MXI1: variants seen among roughly 807,000 people sequenced by gnomAD.
The protein encoded by MXI1 is MAX interactor 1, dimerization protein, also known as max-interacting protein 1.
Under a neutral mutation model 36.9 loss-of-function variants are expected in MXI1, and 18 were observed. The observed-to-expected ratio is 0.49, with a 90% CI of 0.34 to 0.72. The LOEUF (loss-of-function observed/expected upper bound fraction) is 0.72, where lower values mean the gene tolerates loss of function less well. MXI1 is among the 30% of genes least tolerant of loss of function. The pLI, the probability that MXI1 is intolerant of heterozygous loss-of-function variation, is 0.01. For missense variants in MXI1, 304 were observed against 379.1 expected (o/e 0.80, Z 1.64); for synonymous variants, 160 against 146.7 (o/e 1.09, Z -0.65).
chr10:110,233,199 C>T (rs570552647), intron 2 of MXI1, among the ~76,000 whole-genome samples: 2 of 152,208 alleles, frequency 1.3e-5, no homozygotes, highest in East Asian at 3.9e-4. Flanking sequence ...CACTAAAAAA[C>T]AACTTTTCTG....
intron 1 of MXI1, among the ~76,000 whole-genome samples, chr10:110,214,254 A>G (rs1854574637): frequency 6.6e-6 from 1 of 152,218 alleles, no homozygotes. Flanking sequence ...CACCTTGTTT[A>G]TTGTCCAAGG....
intron 1 of MXI1, chr10:110,226,049 G>A: frequency 1.0e-6 from 1 of 964,454 alleles, no homozygotes; most frequent in Non-Finnish European, 1.2e-6. Flanking sequence ...TGGCGCGGCT[G>A]GGGCGGCAGG....
At position 110,279,267 on chromosome 10, in the gene MXI1, G is replaced by T; in HGVS notation, c.525G>T (p.Leu175Phe). Residue 175 changes from leucine (L) to phenylalanine (F), a missense_variant, in exon 4 of 6, where the codon TTG (leucine) becomes TTT (phenylalanine). Leu to Phe is a conservative substitution (Grantham distance 22). Around this residue, in one of 2 missense-constraint regions of MXI1, gnomAD observed 125 missense variants for 194.3 expected, o/e 0.64. Transcript: ENST00000332674. ...GCACCCGGCACACAACACTTGGTTTGCTCAACAAAGCCAAAGCACACATCA... is the reference window on the plus strand; with the variant it reads ...GCACCCGGCACACAACACTTGGTTTTCTCAACAAAGCCAAAGCACACATCA... ...PDCTRHTTLG[L>F]LNKAKAHIKK... The T allele has an allele frequency of 6.2e-7, 1 of 1,614,092 alleles. No individual in the cohort carries two copies. The highest frequency in any genetic ancestry group is 8.5e-7 in the Non-Finnish European group (1 of 1,179,976).
chr10:110,243,707 C>T (rs902354795), intron 2 of MXI1, among the ~76,000 whole-genome samples: 9 of 152,210 alleles, frequency 5.9e-5, no homozygotes, highest in Non-Finnish European at 1.0e-4. Flanking sequence ...TATAACAATT[C>T]TAATAGTAGC....
chr10:110,254,250 A>C (rs150152909), intron 3 of MXI1, among the ~76,000 whole-genome samples: 5 of 152,238 alleles, frequency 3.3e-5, no homozygotes, highest in Non-Finnish European at 7.4e-5. Flanking sequence ...TTCATACGTT[A>C]CGATGATCTG....
chr10:110,214,011 C>T (rs1207813458), intron 1 of MXI1, among the ~76,000 whole-genome samples: 1 of 152,220 alleles, frequency 6.6e-6, no homozygotes, highest in Non-Finnish European at 1.5e-5. Context: ...AATTTTATTA[C>T]CCTCTTTTAC....
intron 3 of MXI1, among the ~76,000 whole-genome samples, chr10:110,264,548 T>C (rs11195052): frequency 0.024 from 3,616 of 152,018 alleles, 67 homozygotes; most frequent in East Asian, 0.047. Context: ...ATATTTTTCA[T>C]AGAGACGGGG....
In MXI1 at chr10:110,284,687, C is replaced by G. The variant is rs143661993; in HGVS notation, c.725-137C>G. 3.4e-5 allele frequency: 28 copies of G among 817,354 alleles called. No homozygotes were observed. In the African/African-American group the frequency reaches 4.5e-4, roughly 13 times the overall value. The allele number at this position is 817,354 out of a possible 1,614,324, so 50.6% of individuals were successfully genotyped here. On this transcript the variant is annotated intron_variant, in intron 5 of 5. Transcript: ENST00000332674. ...AATATTCCTGTCTCTTCACCTTGTTCCTCTGTTCTCCAGACATCACTGATA... is the reference window on the plus strand; with the variant it reads ...AATATTCCTGTCTCTTCACCTTGTTGCTCTGTTCTCCAGACATCACTGATA...
intron 4 of MXI1, 121 bp downstream of exon 4, chr10:110,279,415 A>C: frequency 1.3e-6 from 1 of 791,268 alleles, no homozygotes; most frequent in Non-Finnish European, 2.0e-6. Context: ...TGACCTCAAG[A>C]GAAGTCTTTC....
Position 110,209,549 on chromosome 10 carries a change from T to C in MXI1, c.274+1467T>C, listed in dbSNP as rs150129486. Among the ~76,000 whole-genome samples the C allele has an allele frequency of 5.3e-5, 8 of 152,262 alleles. 1 individual carries two copies. The South Asian group carries it at 1.0e-3, about 20-fold the overall frequency. On this transcript the variant is annotated intron_variant, in intron 1 of 5. Transcript: ENST00000332674. ...AGGATTTGTGTTGTGAGGTCGGTGGTGCGTTCTTTTCTTTCTCTTCTCGCC... is the reference window on the plus strand; with the variant it reads ...AGGATTTGTGTTGTGAGGTCGGTGGCGCGTTCTTTTCTTTCTCTTCTCGCC...
intron 3 of MXI1, among the ~76,000 whole-genome samples, chr10:110,252,116 C>A (rs940351209): frequency 6.6e-6 from 1 of 151,988 alleles, no homozygotes; most frequent in Non-Finnish European, 1.5e-5. Context: ...AGTCAGCACT[C>A]AGGTGATAGA....
chr10:110,259,283 T>A (rs1856423399), intron 3 of MXI1, among the ~76,000 whole-genome samples: 3 of 152,084 alleles, frequency 2.0e-5, no homozygotes, highest in Non-Finnish European at 4.4e-5. Context: ...TTTCTTGAGA[T>A]ATTTTAGATG....
chr10:110,279,545 C>T (rs1188230790), intron 4 of MXI1, among the ~76,000 whole-genome samples: 1 of 150,418 alleles, frequency 6.6e-6, no homozygotes, highest in East Asian at 1.9e-4. Flanking sequence ...CCTCTTCATA[C>T]TCGGAAGGCA....
intron 5 of MXI1, among the ~76,000 whole-genome samples, chr10:110,282,362 T>C (rs1857284006): frequency 6.6e-6 from 1 of 152,188 alleles, no homozygotes; most frequent in Non-Finnish European, 1.5e-5. Context: ...TTCTTGTTTT[T>C]CTGTTTTGTT....
intron 2 of MXI1, among the ~76,000 whole-genome samples, chr10:110,237,036 T>C (rs1855500373): frequency 6.6e-6 from 1 of 152,258 alleles, no homozygotes; most frequent in Non-Finnish European, 1.5e-5. Context: ...GATGCTATTT[T>C]AAATAGCAAT....
At chr10:110,275,594 T>C (rs1856999574) in intron 3 of MXI1, among the ~76,000 whole-genome samples, 1 of 152,214 alleles carries the variant, frequency 6.6e-6, no homozygotes, top group African/African-American at 2.4e-5. Flanking sequence ...TACATTTACC[T>C]AAGTGGCAGC....
In MXI1 at chr10:110,284,955, A is replaced by C; in HGVS notation, c.856A>C (p.Ser286Arg). Residue 286 changes from serine (S) to arginine (R), a missense_variant, in exon 6 of 6, where the codon AGT becomes CGT. Ser to Arg is a moderately radical substitution (Grantham distance 110). This residue lies in a region of MXI1 where 125 missense variants were observed against 194.3 expected (regional missense o/e 0.64). Coordinates refer to ENST00000332674, the MANE Select transcript of MXI1 (RefSeq NM_130439.3). ...TATTGGGAGTGACGAGGGTTACTCC[A>C]GTGCCAGTGTCAAACTTTCATTCAC... ...PSIGSDEGYSSASVKLSFTS is the reference protein window; with the variant it reads ...PSIGSDEGYSRASVKLSFTS 3.1e-6 allele frequency: 5 copies of C among 1,613,126 alleles called. No individual in the cohort carries two copies. The highest frequency in any genetic ancestry group is 3.4e-6 in the Non-Finnish European group (4 of 1,179,694).
At chr10:110,219,808 A>T (rs1854751460) in intron 1 of MXI1, among the ~76,000 whole-genome samples, 1 of 152,244 alleles carries the variant, frequency 6.6e-6, no homozygotes, top group Non-Finnish European at 1.5e-5. Context: ...GGCACATAAC[A>T]GATGCTTAAG....
chr10:110,208,744 C>CCA (rs1564701885), intron 1 of MXI1, among the ~76,000 whole-genome samples: 4 of 148,304 alleles, frequency 2.7e-5, no homozygotes, highest in African/African-American at 1.0e-4. Flanking sequence ...ACCGCCGCCC[C>CCA]CCCCCCCCCA....
Sources: gnomAD v4.1 joint callset for allele counts (sites outside exome capture counted in the v4.1 genomes callset) on GRCh38, gnomAD v4.1.1 for gene constraint, gnomAD v4.1.1 regional missense constraint, MANE v1.5 for transcripts, NCBI Gene and HGNC (gene_info 2026-07-23, HGNC 2026-07-21) for gene names.